Variants in SMOC1 observed in about 807,000 individuals in gnomAD.
SMOC1 encodes the protein SPARC-related modular calcium-binding protein 1.
Under a neutral mutation model 56.3 loss-of-function variants are expected in SMOC1, and 22 were observed. That is an observed-to-expected ratio of 0.39 (90% CI 0.28 to 0.56). The LOEUF is 0.56. Ranked by LOEUF, SMOC1 falls within the 20% of genes least tolerant of loss-of-function variation. SMOC1 has a pLI of 0.61. For missense variants in SMOC1, 509 were observed against 565.4 expected (o/e 0.90, Z 1.01); for synonymous variants, 193 against 215.0 (o/e 0.90, Z 0.89).
At chr14:69,885,430 C>T (rs1430339487) in intron 1 of SMOC1, 7 of 1,601,288 alleles carry the variant, frequency 4.4e-6, no homozygotes, top group South Asian at 1.1e-5. Flanking sequence ...CATTGCCACC[C>T]CAGTGACGGC....
intron 7 of SMOC1, among the ~76,000 whole-genome samples, chr14:69,997,784 A>G (rs926752894): frequency 6.6e-6 from 1 of 152,116 alleles, no homozygotes; most frequent in African/African-American, 2.4e-5. Flanking sequence ...TAGGGACTGG[A>G]GCCTTTTGGC....
intron 7 of SMOC1, among the ~76,000 whole-genome samples, chr14:70,009,549 G>A (rs1411834352): frequency 1.3e-5 from 2 of 152,152 alleles, no homozygotes; most frequent in Non-Finnish European, 2.9e-5. Context: ...GGGTATTTTT[G>A]TAACAATCTG....
intron 1 of SMOC1, among the ~76,000 whole-genome samples, chr14:69,923,825 C>T (rs1884917560): frequency 6.6e-6 from 1 of 152,152 alleles, no homozygotes; most frequent in African/African-American, 2.4e-5. Flanking sequence ...AGGAGGGAGG[C>T]AGAATAGGGC....
At chr14:69,889,868 C>T (rs1404364508) in intron 1 of SMOC1, among the ~76,000 whole-genome samples, 1 of 152,236 alleles carries the variant, frequency 6.6e-6, no homozygotes, top group Non-Finnish European at 1.5e-5. Flanking sequence ...CCAAATCTTT[C>T]CTCATGCTGC....
rs958667306 is a variant in SMOC1 at position 69,999,463 on chromosome 14, G to A, written c.664+4983G>A. 3.3e-5 allele frequency among the ~76,000 whole-genome samples: 5 copies of A among 152,196 alleles called. No individual in the cohort carries two copies. The South Asian group carries it at 6.2e-4, about 19-fold the overall frequency. On this transcript the variant is annotated intron_variant, in intron 7 of 11. Coordinates refer to ENST00000361956, the MANE Select transcript of SMOC1 (RefSeq NM_001034852.3). ...ATACCCCATGGCCACCTGGAATCTCGCACATGACGTGATTGGGAGGAAGAA... is the reference window on the plus strand; with the variant it reads ...ATACCCCATGGCCACCTGGAATCTCACACATGACGTGATTGGGAGGAAGAA...
intron 3 of SMOC1, among the ~76,000 whole-genome samples, chr14:69,969,403 C>T (rs946457562): frequency 2.0e-5 from 3 of 152,098 alleles, no homozygotes; most frequent in East Asian, 3.9e-4. Flanking sequence ...ACAATCATGG[C>T]GGAAGGGGAA....
At chr14:69,888,316 A>G (rs1566661566) in intron 1 of SMOC1, among the ~76,000 whole-genome samples, 1 of 152,176 alleles carries the variant, frequency 6.6e-6, no homozygotes, top group Admixed American at 6.5e-5. Flanking sequence ...TTTGCATCCA[A>G]CATCATTCGG....
intron 1 of SMOC1, among the ~76,000 whole-genome samples, chr14:69,921,112 C>T (rs751088430): frequency 9.2e-5 from 14 of 152,310 alleles, no homozygotes; most frequent in Non-Finnish European, 1.5e-4. Context: ...AACCTTCTCT[C>T]GCACAGACTT....
At chr14:69,913,484 G>A (rs1594798672) in intron 1 of SMOC1, among the ~76,000 whole-genome samples, 1 of 152,110 alleles carries the variant, frequency 6.6e-6, no homozygotes, top group Non-Finnish European at 1.5e-5. Flanking sequence ...GTGTGTGTGT[G>A]TTCCAAACAG....
chr14:69,923,427 G>T (rs1044264521), intron 1 of SMOC1, among the ~76,000 whole-genome samples: 1 of 152,162 alleles, frequency 6.6e-6, no homozygotes, highest in East Asian at 1.9e-4. Flanking sequence ...GGGAGCACAG[G>T]GGGTAATAGC....
intron 3 of SMOC1, among the ~76,000 whole-genome samples, chr14:69,970,906 C>T (rs1323095497): frequency 6.6e-6 from 1 of 152,176 alleles, no homozygotes; most frequent in African/African-American, 2.4e-5. Flanking sequence ...TGAAATATAC[C>T]ACTAGGCTGT....
intron 10 of SMOC1, among the ~76,000 whole-genome samples, chr14:70,021,002 C>T (rs906358055): frequency 2.0e-5 from 3 of 152,194 alleles, no homozygotes; most frequent in Admixed American, 1.3e-4. Flanking sequence ...GTGGGATGAC[C>T]TCATCCCTTC....
intron 3 of SMOC1, among the ~76,000 whole-genome samples, chr14:69,968,041 A>G (rs915034806): frequency 5.9e-5 from 9 of 152,238 alleles, no homozygotes; most frequent in African/African-American, 1.9e-4. Context: ...TACTGCAGTC[A>G]CTAGATTCAT....
intron 1 of SMOC1, among the ~76,000 whole-genome samples, chr14:69,921,920 T>A (rs1489016515): frequency 6.6e-6 from 1 of 152,188 alleles, no homozygotes; most frequent in African/African-American, 2.4e-5. Flanking sequence ...ACCCCTGAAG[T>A]GCTCTGGATG....
chr14:69,921,877 A>T (rs1202131591), intron 1 of SMOC1, among the ~76,000 whole-genome samples: 1 of 152,172 alleles, frequency 6.6e-6, no homozygotes, highest in Non-Finnish European at 1.5e-5. Context: ...GGAGAAAGGT[A>T]CCCGAGGGAA....
intron 7 of SMOC1, among the ~76,000 whole-genome samples, chr14:70,004,850 A>T (rs1029121906): frequency 3.9e-5 from 6 of 152,088 alleles, no homozygotes; most frequent in Non-Finnish European, 2.9e-5. Flanking sequence ...TCTCTGCAGA[A>T]CCCTGAGTGA....
Position 70,012,999 on chromosome 14 carries a change from CT to C in SMOC1, c.941-386del, listed in dbSNP as rs1241761987. Among the ~76,000 whole-genome samples the C allele has an allele frequency of 2.6e-5, 4 of 152,264 alleles. No individual in the cohort carries two copies. In the East Asian group the frequency reaches 7.7e-4, roughly 29 times the overall value. On this transcript the variant is annotated intron_variant, in intron 9 of 11. Transcript: ENST00000361956. ...CTCCCACAGCCCCTAGTTCTTACCC[CT>C]AGCACAGTATTTTTCTCACTTTAGG...
intron 5 of SMOC1, chr14:69,978,178 G>A: frequency 1.6e-6 from 1 of 617,356 alleles, no homozygotes; most frequent in Non-Finnish European, 2.9e-6. Flanking sequence ...TCCCAAGGGA[G>A]GTGACTGAGT....
intron 5 of SMOC1, among the ~76,000 whole-genome samples, chr14:69,991,047 G>A (rs573158222): frequency 1.3e-5 from 2 of 152,098 alleles, no homozygotes; most frequent in African/African-American, 2.4e-5. Flanking sequence ...CACGAAAGTC[G>A]GCCAAAGGTA....
Sources: gnomAD v4.1 joint callset for allele counts (sites outside exome capture counted in the v4.1 genomes callset) on GRCh38, gnomAD v4.1.1 for gene constraint, MANE v1.5 for transcripts, NCBI Gene and HGNC (gene_info 2026-07-23, HGNC 2026-07-21) for gene names.